ATP2C2: variants seen among roughly 807,000 people sequenced by gnomAD.
ATP2C2 encodes calcium-transporting ATPase type 2C member 2.
A neutral mutation model predicts 110.8 loss-of-function variants in ATP2C2; 171 were observed. The observed-to-expected ratio is 1.54, with a 90% CI of 1.36 to 1.75. The LOEUF (loss-of-function observed/expected upper bound fraction) is 1.75. ATP2C2 is among the 40% of genes most tolerant of loss of function. The pLI is 0.00. For synonymous variants in ATP2C2, 804 were observed against 508.4 expected (o/e 1.58, Z -7.82); for missense variants, 1,963 against 1,235.0 (o/e 1.59, Z -8.84).
intron 15 of ATP2C2, among the ~76,000 whole-genome samples, chr16:84,444,162 CAAAAAAAAAAAA>C (rs71151217): frequency 9.6e-6 from 1 of 104,572 alleles, no homozygotes; most frequent in Non-Finnish European, 1.9e-5. Flanking sequence ...GATCCTGCCT[CAAAAAAAAAAAA>C]AAAAAAAAAA....
At chr16:84,460,616 T>C in intron 23 of ATP2C2, 38 bp from the exon 24 acceptor site, 1 of 1,613,868 alleles carries the variant, frequency 6.2e-7, no homozygotes, top group Non-Finnish European at 8.5e-7. Context: ...ATTTCATTCC[T>C]GGTTCATTTC....
chr16:84,415,495 A>C lies in ATP2C2; in HGVS notation c.528A>C (p.Gly176=), dbSNP rs1415200777. 3.1e-6 allele frequency: 5 copies of C among 1,614,072 alleles called. No homozygotes were observed. The highest frequency in any genetic ancestry group is 3.3e-5 in the Admixed American group (2 of 60,008). The change falls in exon 7 of 27, where the codon GGA becomes GGC. Residue 176 remains glycine, a synonymous_variant. Coordinates refer to ENST00000262429, the MANE Select transcript of ATP2C2 (RefSeq NM_014861.4). ...VPPECNCLRE[G]KLQHLLAREL... ...ATGTCAAATGCAGCCTAAGAGAAGG[A>C]AAACTCCAGCACCTGCTTGCTCGAG... is the stretch of plus-strand genomic sequence containing the variant.
At chr16:84,395,892 T>C (rs1037582769) in intron 1 of ATP2C2, among the ~76,000 whole-genome samples, 2 of 152,160 alleles carry the variant, frequency 1.3e-5, no homozygotes, top group African/African-American at 2.4e-5. Flanking sequence ...TGGCATTAAG[T>C]ATATTCCCAT....
Position 84,422,449 on chromosome 16 carries a change from AACAG to A in ATP2C2, c.689_692del (p.Asp230AlafsTer3), listed in dbSNP as rs553814658. ...CCGGGGAAGCCGAGCCATGTAGTAAAACAGACAGCCCCTTGACAGGCGGTGGGGA... is the reference window on the plus strand; with the variant it reads ...CCGGGGAAGCCGAGCCATGTAGTAAAACAGCCCCTTGACAGGCGGTGGGGA... On this transcript the variant is annotated frameshift_variant, in exon 8 of 27. Coordinates refer to ENST00000262429, the MANE Select transcript of ATP2C2 (RefSeq NM_014861.4). LOFTEE classifies it high-confidence loss of function. 243 of 1,614,042 alleles carry A rather than the reference AACAG, an allele frequency of 1.5e-4. 2 individuals are homozygous for A. In the South Asian group the frequency reaches 2.0e-3, roughly 13 times the overall value.
intron 24 of ATP2C2, chr16:84,461,290 C>G (rs956159091): frequency 3.4e-6 from 1 of 294,862 alleles, no homozygotes; most frequent in Non-Finnish European, 6.4e-6. Flanking sequence ...CACAGATTGC[C>G]CATGTGCAGG....
chr16:84,391,608 A>G (rs12448765), intron 1 of ATP2C2, among the ~76,000 whole-genome samples: 105,057 of 152,094 alleles, frequency 0.69, 36,565 homozygotes, highest in East Asian at 0.8. Flanking sequence ...TGTGATACGT[A>G]CACATGCCAA....
At position 84,445,349 on chromosome 16, in the gene ATP2C2, C is replaced by T. The variant is rs541431924; in HGVS notation, c.1402-980C>T. 2.5e-4 allele frequency among the ~76,000 whole-genome samples: 38 copies of T among 152,166 alleles called. No individual in the cohort carries two copies. In the South Asian group the frequency reaches 6.6e-3, roughly 27 times the overall value. On this transcript the variant is annotated intron_variant, in intron 15 of 26. Coordinates refer to ENST00000262429, the MANE Select transcript of ATP2C2 (RefSeq NM_014861.4). ...TCAGCCTCCCAAGTAGCTGGGACTA[C>T]AGGCGCCTGCCACCACGCCTGGCTA...
chr16:84,420,679 A>G (rs1416893885), intron 7 of ATP2C2, among the ~76,000 whole-genome samples: 2 of 152,036 alleles, frequency 1.3e-5, no homozygotes, highest in Non-Finnish European at 2.9e-5. Flanking sequence ...AGATCCCCAT[A>G]GATTTCCCTA....
chr16:84,368,699 C>G lies in ATP2C2; in HGVS notation c.84C>G (p.Asp28Glu), dbSNP rs751404570. The G allele has an allele frequency of 1.9e-6, 3 of 1,548,272 alleles. No individual in the cohort carries two copies. In the East Asian group the frequency reaches 7.9e-5, roughly 41 times the overall value. ...GGRQYQALEKDEEEALIDEQS... is the reference protein window; with the variant it reads ...GGRQYQALEKEEEEALIDEQS... ...GCCAGTACCAGGCGCTGGAGAAGGACGAAGAGGAAGCCTTGGTGAGTCCCC... is the reference window on the plus strand; with the variant it reads ...GCCAGTACCAGGCGCTGGAGAAGGAGGAAGAGGAAGCCTTGGTGAGTCCCC... The change falls in exon 1 of 27, where the codon GAC (aspartate) becomes GAG (glutamate). Residue 28 changes from aspartate to glutamate, a missense_variant. Coordinates refer to ENST00000262429, the MANE Select transcript of ATP2C2 (RefSeq NM_014861.4).
rs762963510 is a variant in ATP2C2 at position 84,425,759 on chromosome 16, C to T, written c.944C>T (p.Ser315Leu). ...IIGLIMLIGW[S>L]QGKQLLSMFT... The stretch of plus-strand genomic sequence containing the variant: ...GGTCTCATCATGCTCATTGGCTGGT[C>T]GCAAGGGAAACAACTCCTGAGTATG... The change falls in exon 11 of 27, where the codon TCG becomes TTG. Residue 315 changes from serine to leucine, a missense_variant. Transcript: ENST00000262429. 8.1e-6 allele frequency: 13 copies of T among 1,613,922 alleles called. No individual in the cohort carries two copies. Among genetic ancestry groups the T allele is most frequent in the Non-Finnish European group, 1.0e-5 (12 of 1,180,032 alleles).
At chr16:84,425,977 G>A (rs944653105) in intron 11 of ATP2C2, 176 bp downstream of exon 11, 12 of 682,136 alleles carry the variant, frequency 1.8e-5, no homozygotes, top group South Asian at 3.6e-5. Context: ...CAGAGTGCCC[G>A]GCGAATGCTT....
At chr16:84,448,512 C>T in intron 16 of ATP2C2, 21 bp from the exon 17 acceptor site, 3 of 1,597,346 alleles carry the variant, frequency 1.9e-6, no homozygotes, top group Non-Finnish European at 2.6e-6. Context: ...TAGTGGATTT[C>T]TTCCCTTTGT....
rs761255438 is a variant in ATP2C2 at position 84,460,707 on chromosome 16, T to G, written c.2387T>G (p.Val796Gly). The G allele has an allele frequency of 3.7e-6, 6 of 1,614,042 alleles. No homozygotes were observed. The highest frequency in any genetic ancestry group is 1.3e-5 in the African/African-American group (1 of 74,914). ...GCCTTCAGGCAGCCACCACGGAGTG[T>G]GCGGGACACCATCCTCAGCAGAGCC... Reference protein sequence around the residue: ...KDAFRQPPRSVRDTILSRALI... With the variant: ...KDAFRQPPRSGRDTILSRALI... Residue 796 changes from valine to glycine, a missense_variant, in exon 24 of 27, where the codon GTG (valine) becomes GGG (glycine). Physicochemically the swap from Val to Gly is moderately radical, Grantham distance 109 (BLOSUM62 -3). Coordinates refer to ENST00000262429, the MANE Select transcript of ATP2C2 (RefSeq NM_014861.4).
At chr16:84,412,174 A>C (rs1906372350) in intron 6 of ATP2C2, among the ~76,000 whole-genome samples, 1 of 152,102 alleles carries the variant, frequency 6.6e-6, no homozygotes, top group South Asian at 2.1e-4. Context: ...CCATGCCACC[A>C]CACCTGACTA....
chr16:84,390,896 C>A (rs929467037), intron 1 of ATP2C2, among the ~76,000 whole-genome samples: 2 of 152,078 alleles, frequency 1.3e-5, no homozygotes, highest in Non-Finnish European at 2.9e-5. Flanking sequence ...GGCGGATCAC[C>A]TGAGGTCAGG....
intron 1 of ATP2C2, among the ~76,000 whole-genome samples, chr16:84,387,727 G>T (rs62048794): frequency 0.025 from 3,743 of 152,200 alleles, 156 homozygotes; most frequent in African/African-American, 0.086. Context: ...TTGCTGGGTT[G>T]GCCCTTGAGT....
chr16:84,452,814 A>C (rs922005515), intron 18 of ATP2C2, among the ~76,000 whole-genome samples: 2 of 151,952 alleles, frequency 1.3e-5, no homozygotes, highest in African/African-American at 4.8e-5. Context: ...AGTTACTATT[A>C]TATGGGTGGT....
At chr16:84,381,716 A>T (rs186836270) in intron 1 of ATP2C2, among the ~76,000 whole-genome samples, 9 of 152,190 alleles carry the variant, frequency 5.9e-5, no homozygotes, top group Non-Finnish European at 7.3e-5. Flanking sequence ...CACATCTTCA[A>T]TGGCGGTGTA....
intron 1 of ATP2C2, among the ~76,000 whole-genome samples, chr16:84,371,559 G>T (rs1488842232): frequency 6.6e-6 from 1 of 152,222 alleles, no homozygotes; most frequent in Non-Finnish European, 1.5e-5. Flanking sequence ...TTAGTTACTA[G>T]AAAAAGCTTC....
Sources: allele counts gnomAD v4.1 joint callset (sites outside exome capture counted in the v4.1 genomes callset), GRCh38; gene constraint gnomAD v4.1.1; transcripts MANE v1.5; gene names NCBI Gene and HGNC (gene_info 2026-07-23, HGNC 2026-07-21).